ANXA8: variants seen among roughly 807,000 people sequenced by gnomAD.
ANXA8 encodes the protein VAC-beta.
A neutral mutation model predicts 26.8 loss-of-function variants in ANXA8; 9 were observed. The observed-to-expected ratio is 0.34, with a 90% CI of 0.20 to 0.59. The LOEUF (loss-of-function observed/expected upper bound fraction) is 0.59. Among genes scored for constraint, ANXA8 ranks in the 20% least tolerant of loss-of-function variants. ANXA8 has a pLI of 0.84. For synonymous variants in ANXA8, 39 were observed against 94.8 expected, an observed-to-expected ratio of 0.41 and a Z score of 3.42; for missense variants, 83 against 238.5, an observed-to-expected ratio of 0.35 and a Z score of 4.29.
the ANXA8 span, among the ~76,000 whole-genome samples, chr10:47,585,127 G>A: frequency 3.5e-5 from 5 of 144,050 alleles, no homozygotes; most frequent in South Asian, 8.7e-4. Context: ...GCCAGGCATG[G>A]TGGTGGGCGC....
At chr10:47,937,715 G>C in the ANXA8 span, among the ~76,000 whole-genome samples, 1 of 145,064 alleles carries the variant, frequency 6.9e-6, no homozygotes, top group Non-Finnish European at 1.5e-5. Flanking sequence ...AGAACATGTG[G>C]TATTTTGTTT....
chr10:47,941,658 A>G, the ANXA8 span, among the ~76,000 whole-genome samples: 2 of 146,870 alleles, frequency 1.4e-5, no homozygotes, highest in South Asian at 4.3e-4. Context: ...AAAAAAAAAC[A>G]GCTGGCATTT....
At chr10:47,735,691 T>A in the ANXA8 span, among the ~76,000 whole-genome samples, 7 of 151,698 alleles carry the variant, frequency 4.6e-5, no homozygotes, top group African/African-American at 1.5e-4. Flanking sequence ...CAGGTTGGAG[T>A]GCAGTGGTGT....
the ANXA8 span, among the ~76,000 whole-genome samples, chr10:47,680,391 T>G: frequency 2.6e-5 from 4 of 151,898 alleles, no homozygotes; most frequent in Non-Finnish European, 5.9e-5. Flanking sequence ...TTCCAGCACT[T>G]TGGGAGTCTG....
the ANXA8 span, chr10:47,706,683 C>T: frequency 1.1e-5 from 15 of 1,349,000 alleles, 2 homozygotes; most frequent in Middle Eastern, 8.0e-4. Flanking sequence ...TGATGTTTTT[C>T]GAAGGATGAT....
At chr10:47,693,122 G>A in the ANXA8 span, among the ~76,000 whole-genome samples, 1 of 151,632 alleles carries the variant, frequency 6.6e-6, no homozygotes, top group Admixed American at 6.6e-5. Flanking sequence ...AGAGCAGGAG[G>A]AAGTTGATTA....
chr10:47,667,058 T>C, the ANXA8 span, among the ~76,000 whole-genome samples: 2 of 152,050 alleles, frequency 1.3e-5, no homozygotes, highest in African/African-American at 4.8e-5. Context: ...AAGAAGACTT[T>C]TCCAGAGCAC....
chr10:47,636,826 GTTA>G, the ANXA8 span, among the ~76,000 whole-genome samples: 1 of 151,554 alleles, frequency 6.6e-6, no homozygotes. Flanking sequence ...TTCCAGTTTG[GTTA>G]TTCACAGATA....
the ANXA8 span, among the ~76,000 whole-genome samples, chr10:47,988,927 C>T: frequency 9.2e-5 from 14 of 151,844 alleles, 1 homozygote; most frequent in Admixed American, 6.6e-4. Flanking sequence ...GGTGTCCACA[C>T]ACACGATATC....
chr10:47,744,756 T>G, the ANXA8 span, among the ~76,000 whole-genome samples: 1 of 151,852 alleles, frequency 6.6e-6, no homozygotes, highest in Non-Finnish European at 1.5e-5. Flanking sequence ...GTTTTCTATT[T>G]ACCAATTCAA....
the ANXA8 span, among the ~76,000 whole-genome samples, chr10:47,666,802 C>A: frequency 6.6e-6 from 1 of 151,868 alleles, no homozygotes; most frequent in Non-Finnish European, 1.5e-5. Context: ...CAGCCTCCAC[C>A]TTCATTTCCT....
the ANXA8 span, among the ~76,000 whole-genome samples, chr10:47,771,562 A>T: frequency 6.6e-6 from 1 of 151,296 alleles, no homozygotes; most frequent in Non-Finnish European, 1.5e-5. Flanking sequence ...ACCACCATCT[A>T]TGGCAGGTTT....
At chr10:47,487,000 A>AC (rs2132448389), upstream of ANXA8, among the ~76,000 whole-genome samples, 2 of 150,862 alleles carry the variant, frequency 1.3e-5, no homozygotes, top group East Asian at 2.0e-4. Context: ...AAAAACAAAA[A>AC]AACAAAGTAG....
the ANXA8 span, among the ~76,000 whole-genome samples, chr10:47,623,898 A>C: frequency 1.1e-5 from 1 of 92,924 alleles, no homozygotes; most frequent in Non-Finnish European, 2.2e-5. Context: ...CCTCTTTGGG[A>C]CCCGTGACAA....
the ANXA8 span, among the ~76,000 whole-genome samples, chr10:47,647,290 CT>C: frequency 2.9e-3 from 433 of 151,460 alleles, no homozygotes; most frequent in African/African-American, 9.7e-3. Flanking sequence ...TTCTTTTATA[CT>C]TTTTTTTGTT....
At chr10:47,560,000 T>C in the ANXA8 span, among the ~76,000 whole-genome samples, 1 of 150,796 alleles carries the variant, frequency 6.6e-6, no homozygotes, top group Non-Finnish European at 1.5e-5. Context: ...AAAGAAAATT[T>C]AACTTTACAA....
At chr10:47,645,505 AAGAAAG>A in the ANXA8 span, among the ~76,000 whole-genome samples, 53 of 149,810 alleles carry the variant, frequency 3.5e-4, no homozygotes, top group Middle Eastern at 3.4e-3. Context: ...TAAAAATAAA[AAGAAAG>A]AGAAAGAGAA....
chr10:47,573,766 G>GT, the ANXA8 span, among the ~76,000 whole-genome samples: 1 of 131,770 alleles, frequency 7.6e-6, no homozygotes, highest in Non-Finnish European at 1.6e-5. Flanking sequence ...CTGTTTTTAA[G>GT]TTTTTTGTTG....
chr10:47,956,674 C>T, the ANXA8 span, among the ~76,000 whole-genome samples: 1 of 150,988 alleles, frequency 6.6e-6, no homozygotes, highest in Middle Eastern at 3.4e-3. Flanking sequence ...CTGTTGCTCT[C>T]TGGGGACCAG....
Sources: allele counts gnomAD v4.1 joint callset (sites outside exome capture counted in the v4.1 genomes callset), GRCh38; gene constraint gnomAD v4.1.1; transcripts MANE v1.5; gene names NCBI Gene and HGNC (gene_info 2026-07-23, HGNC 2026-07-21).